The following GAREM2 variants were observed in gnomAD, a reference collection of about 807,000 sequenced individuals.
The protein encoded by GAREM2 is GRB2 associated regulator of MAPK1 subtype 2.
GAREM2 carries 30 observed loss-of-function variants against 55.6 expected under a neutral mutation model. The ratio of observed to expected loss-of-function variants is 0.54; its 90% CI spans 0.40 to 0.73. The LOEUF (loss-of-function observed/expected upper bound fraction) is 0.73. Among genes scored for constraint, GAREM2 ranks in the 30% least tolerant of loss-of-function variants. The pLI is 0.00. For synonymous variants in GAREM2, 550 were observed against 569.1 expected, an observed-to-expected ratio of 0.97 and a Z score of 0.48; for missense variants, 1,075 against 1,257.7, an observed-to-expected ratio of 0.85 and a Z score of 2.20.
chr2:26,195,313 A>T, the GAREM2 span: 2 of 1,190,220 alleles, frequency 1.7e-6, no homozygotes, highest in Non-Finnish European at 2.5e-6. Flanking sequence ...CTAGGAAAAC[A>T]CTAGAAAGAA....
In GAREM2 at chr2:26,179,090, C is replaced by G. The variant is rs1378260952; in HGVS notation, c.253+2606C>G. The stretch of plus-strand genomic sequence containing the variant: ...GGAGGGAGGAGGACGGCGACTCGCG[C>G]CGGGTGGGGCTGAAGGCACTGCGGG... On this transcript the variant is annotated intron_variant, in intron 2 of 5. Transcript: ENST00000401533. This position sits in a 1 kb window ranked among gnomAD's most constrained non-coding sequence, Gnocchi z 4.7. Among the ~76,000 whole-genome samples the G allele has an allele frequency of 2.6e-5, 4 of 152,272 alleles. No individual in the cohort carries two copies. The highest frequency in any genetic ancestry group is 6.5e-5 in the Admixed American group (1 of 15,302).
chr2:26,203,978 A>C, the GAREM2 span: 1 of 1,382,650 alleles, frequency 7.2e-7, no homozygotes, highest in Non-Finnish European at 1.0e-6. Context: ...AACAAACAAA[A>C]AAACCCACCA....
chr2:26,187,988 C>T lies in GAREM2; in HGVS notation c.2356C>T (p.Arg786Trp), dbSNP rs774968911. 1.4e-5 allele frequency: 20 copies of T among 1,468,112 alleles called. No individual in the cohort carries two copies. In the East Asian group the frequency reaches 1.5e-4, roughly 11 times the overall value. 90.9% of individuals were successfully genotyped at this position (1,468,112 alleles called of 1,614,324 possible). ...CCTGGAAGGGCCTCCTGCCAGTCCC[C>T]GGGATGGAGCCACAGGCTTTGGAGT... ...GRLEGPPASP[R>W]DGATGFGVRD... Residue 786 changes from arginine to tryptophan, a missense_variant, in exon 6 of 6, where the codon CGG becomes TGG. Physicochemically the swap from Arg to Trp is moderately radical, Grantham distance 101 (BLOSUM62 -3). Transcript: ENST00000401533.
In GAREM2 at chr2:26,187,577, G is replaced by A. The variant is rs201364548; in HGVS notation, c.1945G>A (p.Gly649Arg). 3.9e-6 allele frequency: 6 copies of A among 1,546,996 alleles called. No individual in the cohort carries two copies. Among genetic ancestry groups the A allele is most frequent in the Non-Finnish European group, 5.2e-6 (6 of 1,144,814 alleles). The stretch of plus-strand genomic sequence containing the variant: ...AGGCCCTTCAGCGGCCTTGTCTTCT[G>A]GGCCCAGAACCACCTCGGGTCCTGT... ...PSGPSAALSS[G>R]PRTTSGPVAT... The change falls in exon 6 of 6, where the codon GGG (glycine) becomes AGG (arginine). Residue 649 changes from glycine to arginine, a missense_variant. This residue lies in a region of GAREM2 where 515 missense variants were observed against 501.5 expected (regional missense o/e 1.03). Coordinates refer to ENST00000401533, the MANE Select transcript of GAREM2 (RefSeq NM_001168241.2).
chr2:26,188,965 G>A lies in GAREM2; in HGVS notation c.*708G>A, dbSNP rs899847561. 6.6e-6 allele frequency: 1 copy of A among 152,238 alleles called. No homozygotes were observed. The highest frequency in any genetic ancestry group is 6.5e-5 in the Admixed American group (1 of 15,286). The allele number at this position is 152,238 out of a possible 1,614,324, so 9.4% of individuals were successfully genotyped here. A position where few individuals can be genotyped will look rare whatever the true frequency, so the allele number is the denominator to read the frequency against. On this transcript the variant is annotated 3_prime_UTR_variant, in exon 6 of 6. Transcript: ENST00000401533. ...TTATCTAGTTAGGAAGCCAGACACT[G>A]CCCAGATGACTCTAGCACCCTGGCT... is the stretch of plus-strand genomic sequence containing the variant.
At chr2:26,175,748 TG>T (rs1668845025) in intron 1 of GAREM2, among the ~76,000 whole-genome samples, 1 of 152,166 alleles carries the variant, frequency 6.6e-6, no homozygotes, top group Non-Finnish European at 1.5e-5. Flanking sequence ...CCCGTGGCTC[TG>T]GGGGAGCTCT....
At position 26,184,693 on chromosome 2, in the gene GAREM2, C is replaced by A; in HGVS notation, c.845C>A (p.Pro282Gln). The change falls in exon 4 of 6, where the codon CCG (proline) becomes CAG (glutamine). Residue 282 changes from proline (P) to glutamine (Q), a missense_variant. Transcript: ENST00000401533. Reference protein sequence around the residue: ...RPPRNPYDLHPVREGHCYKLV... With the variant: ...RPPRNPYDLHQVREGHCYKLV... ...CCGCGCAACCCCTACGACCTGCACCCGGTGCGGGAGGGTCATTGCTACAAG... is the reference window on the plus strand; with the variant it reads ...CCGCGCAACCCCTACGACCTGCACCAGGTGCGGGAGGGTCATTGCTACAAG... 6.5e-7 allele frequency: 1 copy of A among 1,541,388 alleles called. No homozygotes were observed. The highest frequency in any genetic ancestry group is 8.7e-7 in the Non-Finnish European group (1 of 1,143,958).
intron 3 of GAREM2, 91 bp downstream of exon 3, chr2:26,183,188 T>C (rs2147732393): frequency 7.0e-7 from 1 of 1,432,788 alleles, no homozygotes; most frequent in South Asian, 1.3e-5. Context: ...GCCCTCAGGA[T>C]CCAAGAAGGA....
downstream of GAREM2, chr2:26,191,290 G>C (rs562724139): frequency 1.2e-6 from 2 of 1,613,354 alleles, no homozygotes; most frequent in South Asian, 2.2e-5. Context: ...AGCATGGTCA[G>C]CTAGCAGCTG....
Position 26,187,742 on chromosome 2 carries a change from T to G in GAREM2, c.2110T>G (p.Phe704Val). The change falls in exon 6 of 6, where the codon TTT becomes GTT. Residue 704 changes from phenylalanine (F) to valine (V), a missense_variant. Around this residue, in one of 6 missense-constraint regions of GAREM2, gnomAD observed 515 missense variants for 501.5 expected, o/e 1.03. Transcript: ENST00000401533. ...QEPVLEPFDPFELGQGSSPEP... is the reference protein window; with the variant it reads ...QEPVLEPFDPVELGQGSSPEP... ...ACCAGTCCTGGAGCCCTTCGATCCC[T>G]TTGAGCTGGGGCAGGGCAGTTCTCC... The G allele has an allele frequency of 6.9e-7, 1 of 1,455,824 alleles. No homozygotes were observed. The allele number at this position is 1,455,824 out of a possible 1,614,324, so 90.2% of individuals were successfully genotyped here. A position where few individuals can be genotyped will look rare whatever the true frequency, so the allele number is the denominator to read the frequency against.
Position 26,176,397 on chromosome 2 carries a change from C to T in GAREM2, c.166C>T (p.Arg56Trp), listed in dbSNP as rs751459214. Residue 56 changes from arginine to tryptophan, a missense_variant, in exon 2 of 6, where the codon CGG (arginine) becomes TGG (tryptophan). This residue lies in a region of GAREM2 where 230 missense variants were observed against 310.6 expected (regional missense o/e 0.74). Transcript: ENST00000401533. The stretch of plus-strand genomic sequence containing the variant: ...AGACATCCTGCTCATCCACTCCTGC[C>T]GGCAGTGGACAACGGTGACAGCTCA... ...ERDILLIHSC[R>W]QWTTVTAHTL... The T allele has an allele frequency of 1.5e-5, 23 of 1,550,362 alleles. No individual in the cohort carries two copies. The highest frequency in any genetic ancestry group is 5.9e-5 in the Admixed American group (3 of 50,820).
Position 26,185,103 on chromosome 2 carries a change from G to A in GAREM2, c.1255G>A (p.Glu419Lys), listed in dbSNP as rs1260570859. ...GAGCCCCGACTGGGCAGCCGCGCCCGAGCCCGCCGCGCCGCCCGCCGAGAT... is the reference window on the plus strand; with the variant it reads ...GAGCCCCGACTGGGCAGCCGCGCCCAAGCCCGCCGCGCCGCCCGCCGAGAT... ...YVSPDWAAAP[E>K]PAAPPAEIPY... is the part of the protein sequence containing the mutation. The change falls in exon 4 of 6, where the codon GAG becomes AAG. Residue 419 changes from glutamate to lysine, a missense_variant. Physicochemically the swap from Glu to Lys is moderately conservative, Grantham distance 56. This residue lies in a region of GAREM2 where 515 missense variants were observed against 501.5 expected (regional missense o/e 1.03). Coordinates refer to ENST00000401533, the MANE Select transcript of GAREM2 (RefSeq NM_001168241.2). 5 of 1,436,884 alleles carry A rather than the reference G, an allele frequency of 3.5e-6. No homozygotes were observed. The highest frequency in any genetic ancestry group is 3.1e-5 in the East Asian group (1 of 32,750). The allele number at this position is 1,436,884 out of a possible 1,614,324, so 89.0% of individuals were successfully genotyped here. A position where few individuals can be genotyped will look rare whatever the true frequency, so the allele number is the denominator to read the frequency against.
chr2:26,191,636 CAGAA>C, downstream of GAREM2: 1 of 1,613,860 alleles, frequency 6.2e-7, no homozygotes, highest in Non-Finnish European at 8.5e-7. Context: ...GAGCTGCCAA[CAGAA>C]AGAGATGTTT....
At chr2:26,182,441 C>T in intron 2 of GAREM2, 1 of 1,550,432 alleles carries the variant, frequency 6.4e-7, no homozygotes, top group Non-Finnish European at 8.7e-7. Flanking sequence ...TGGCCCAGTG[C>T]CACCTCCATG....
At chr2:26,194,610 C>T (rs927564379), downstream of GAREM2, 1 of 1,612,384 alleles carries the variant, frequency 6.2e-7, no homozygotes, top group Non-Finnish European at 8.5e-7. Context: ...GGGCGCAAGA[C>T]ACCTGGTAGT....
chr2:26,192,193 C>T (rs1297042269), downstream of GAREM2: 3 of 673,696 alleles, frequency 4.5e-6, no homozygotes, highest in Admixed American at 2.3e-5. Flanking sequence ...AACAAACCTG[C>T]ACATGTATCC....
chr2:26,184,160 A>G lies in GAREM2; in HGVS notation c.385-73A>G, dbSNP rs1042625143. On this transcript the variant is annotated intron_variant, in intron 3 of 5. Coordinates refer to ENST00000401533, the MANE Select transcript of GAREM2 (RefSeq NM_001168241.2). ...AAGAGGAAGGCTGTTTTCCCTTTCC[A>G]GTCTCTGGGAGCTGGCCGTGTGGCT... 4 of 1,525,076 alleles carry G rather than the reference A, an allele frequency of 2.6e-6. No individual in the cohort carries two copies. In the African/African-American group the frequency reaches 4.2e-5, roughly 16 times the overall value. 94.5% of individuals were successfully genotyped at this position (1,525,076 alleles called of 1,614,324 possible). A position where few individuals can be genotyped will look rare whatever the true frequency, so the allele number is the denominator to read the frequency against.
At position 26,186,262 on chromosome 2, in the gene GAREM2, C is replaced by G. The variant is rs1362009357; in HGVS notation, c.1502C>G (p.Ser501Cys). The part of the protein sequence containing the change: ...PRGGNGSGRL[S>C]SSPPVPPRFP... ...GGTGGCAATGGCAGCGGCCGGCTCTCCAGCAGCCCCCCGGTTCCCCCTCGC... is the reference window on the plus strand; with the variant it reads ...GGTGGCAATGGCAGCGGCCGGCTCTGCAGCAGCCCCCCGGTTCCCCCTCGC... Residue 501 changes from serine (S) to cysteine (C), a missense_variant, in exon 5 of 6, where the codon TCC becomes TGC. This residue lies in a region of GAREM2 where 515 missense variants were observed against 501.5 expected (regional missense o/e 1.03). Coordinates refer to ENST00000401533, the MANE Select transcript of GAREM2 (RefSeq NM_001168241.2). 1.3e-6 allele frequency: 2 copies of G among 1,550,304 alleles called. No homozygotes were observed. The highest frequency in any genetic ancestry group is 2.0e-5 in the Admixed American group (1 of 50,888).
intron 5 of GAREM2, among the ~76,000 whole-genome samples, chr2:26,186,995 G>T (rs1393557766): frequency 6.6e-6 from 1 of 152,180 alleles, no homozygotes; most frequent in African/African-American, 2.4e-5. Flanking sequence ...AAAATTGAAA[G>T]AAAATATTTT....
Sources: allele counts gnomAD v4.1 joint callset (sites outside exome capture counted in the v4.1 genomes callset), GRCh38; gene constraint gnomAD v4.1.1; regional missense constraint gnomAD v4.1.1; non-coding constraint Gnocchi (gnomAD v3.1); transcripts MANE v1.5; gene names NCBI Gene and HGNC (gene_info 2026-07-23, HGNC 2026-07-21).